Variants in FXYD6 observed in about 807,000 individuals in gnomAD.
FXYD6 encodes the protein FXYD domain-containing ion transport regulator 6.
In FXYD6, 7 loss-of-function variants were observed where a neutral mutation model predicts 16.7. The ratio of observed to expected loss-of-function variants is 0.42; its 90% CI spans 0.24 to 0.79. The LOEUF (loss-of-function observed/expected upper bound fraction) is 0.79. Among genes scored for constraint, FXYD6 ranks in the 30% least tolerant of loss-of-function variants. The pLI, the probability that FXYD6 is intolerant of heterozygous loss-of-function variation, is 0.28. For missense variants in FXYD6, 111 were observed against 116.2 expected (o/e 0.95, Z 0.21); for synonymous variants, 49 against 43.0 (o/e 1.14, Z -0.54).
At chr11:117,852,728 CCA>C (rs1363894845) in intron 1 of FXYD6, among the ~76,000 whole-genome samples, 1 of 152,194 alleles carries the variant, frequency 6.6e-6, no homozygotes, top group East Asian at 1.9e-4. Context: ...TCCATTCTCC[CCA>C]CTTTCTCTTT....
At position 117,870,250 on chromosome 11, in the gene FXYD6, C is replaced by A. The variant is rs996123288; in HGVS notation, c.-6+6342G>T. Among the ~76,000 whole-genome samples, 7 of 152,262 alleles carry A rather than the reference C, an allele frequency of 4.6e-5. No homozygotes were observed. Among genetic ancestry groups the A allele is most frequent in the Non-Finnish European group, 1.0e-4 (7 of 68,048 alleles). On this transcript the variant is annotated intron_variant, in intron 1 of 7. Coordinates refer to ENST00000526014, the MANE Select transcript of FXYD6 (RefSeq NM_022003.4). This position sits in a 1 kb window ranked among gnomAD's most constrained non-coding sequence, Gnocchi z 4.2. ...AGGGGCTGAGGCCCCTCTGGTTCCC[C>A]AGGAGATCTCGGTCTGGCTCCAGAG...
rs1041915214 is a variant in FXYD6, at chr11:117,839,938, C to T, written c.260-108G>A. On this transcript the variant is annotated intron_variant, in intron 6 of 7. Transcript: ENST00000526014. ...TGACTCTGGGGGAGCAAAGAGGTGA[C>T]GGGCATGGGATTTCGAGTCAGAACG... 10 of 1,423,052 alleles carry T rather than the reference C, an allele frequency of 7.0e-6. No individual in the cohort carries two copies. In the African/African-American group the frequency reaches 9.8e-5, roughly 14 times the overall value. The allele number at this position is 1,423,052 out of a possible 1,614,324, so 88.2% of individuals were successfully genotyped here. A position where few individuals can be genotyped will look rare whatever the true frequency, so the allele number is the denominator to read the frequency against.
chr11:117,848,602 G>A (rs752750663), intron 1 of FXYD6, among the ~76,000 whole-genome samples: 7 of 152,110 alleles, frequency 4.6e-5, no homozygotes, highest in Non-Finnish European at 1.0e-4. Flanking sequence ...CAGAAGATTC[G>A]AATTATCTGT....
rs565826473 is a variant in FXYD6, at chr11:117,850,467, A to T, written c.-5-7686T>A. On this transcript the variant is annotated intron_variant, in intron 1 of 7. Coordinates refer to ENST00000526014, the MANE Select transcript of FXYD6 (RefSeq NM_022003.4). Reference sequence around the variant, plus strand: ...TGTGTTGTGTGTGCATCTTATAAACAGCAAAGAGATGGATTTTTGAAAAAT... The same window carrying T: ...TGTGTTGTGTGTGCATCTTATAAACTGCAAAGAGATGGATTTTTGAAAAAT... Among the ~76,000 whole-genome samples the T allele has an allele frequency of 2.0e-5, 3 of 152,366 alleles. No individual in the cohort carries two copies. In the South Asian group the frequency reaches 6.2e-4, roughly 32 times the overall value.
intron 1 of FXYD6, among the ~76,000 whole-genome samples, chr11:117,861,716 C>A (rs908844731): frequency 2.6e-5 from 4 of 152,184 alleles, no homozygotes; most frequent in Non-Finnish European, 5.9e-5. Flanking sequence ...AGGGAGAGGG[C>A]CCAGTTACTT....
rs2057158839 is a variant in FXYD6 at position 117,872,405 on chromosome 11, G to T, written c.-6+4187C>A. ...TAGGGGAGAGGAAGGAACAGGACAA[G>T]CCCATTGATCTACCTGAGCAGGAGG... On this transcript the variant is annotated intron_variant, in intron 1 of 7. Coordinates refer to ENST00000526014, the MANE Select transcript of FXYD6 (RefSeq NM_022003.4). The surrounding 1 kb of genome is among the most constrained non-coding windows in gnomAD (Gnocchi z 4.9). 6.6e-6 allele frequency among the ~76,000 whole-genome samples: 1 copy of T among 152,142 alleles called. No individual in the cohort carries two copies. The highest frequency in any genetic ancestry group is 1.5e-5 in the Non-Finnish European group (1 of 68,026).
intron 6 of FXYD6, 55 bp downstream of exon 6, chr11:117,840,264 G>C (rs746769942): frequency 6.2e-7 from 1 of 1,611,838 alleles, no homozygotes; most frequent in Non-Finnish European, 8.5e-7. Context: ...CTGAGCCACA[G>C]AGGGGTCTCT....
chr11:117,848,300 A>G (rs545188678), intron 1 of FXYD6, among the ~76,000 whole-genome samples: 1 of 151,762 alleles, frequency 6.6e-6, no homozygotes, highest in East Asian at 1.9e-4. Context: ...CGAGTGTTCT[A>G]TTTCTATGGT....
intron 1 of FXYD6, among the ~76,000 whole-genome samples, chr11:117,848,786 C>T (rs563171134): frequency 6.2e-4 from 94 of 152,254 alleles, no homozygotes; most frequent in African/African-American, 2.1e-3. Context: ...TTTCCCTTTT[C>T]TGCTTTCAAA....
At chr11:117,858,639 CTTTCT>C (rs2056798845) in intron 1 of FXYD6, among the ~76,000 whole-genome samples, 1 of 20,840 alleles carries the variant, frequency 4.8e-5, no homozygotes, top group African/African-American at 1.9e-4. Flanking sequence ...TTTTTTCTTT[CTTTCT>C]TTCTTTCTTT....
chr11:117,855,177 A>G (rs1341614055), intron 1 of FXYD6, among the ~76,000 whole-genome samples: 1 of 152,214 alleles, frequency 6.6e-6, no homozygotes, highest in Non-Finnish European at 1.5e-5. Flanking sequence ...CTAAAGAGTT[A>G]AGACCTGCCT....
At position 117,841,819 on chromosome 11, in the gene FXYD6, G is replaced by T; in HGVS notation, c.144C>A (p.Leu48=). 1 of 1,613,948 alleles carries T rather than the reference G, an allele frequency of 6.2e-7. No homozygotes were observed. The highest frequency in any genetic ancestry group is 2.2e-5 in the East Asian group (1 of 44,868). The change falls in exon 4 of 8, where the codon CTC becomes CTA. Residue 48 remains leucine, a synonymous_variant. Transcript: ENST00000526014. ...GGATAAGGAGGATCCCAACCGAGAA[G>T]AGGACCACAGCGAACACCAGTCCCC... ...RIGGLVFAVV[L]FSVGILLILS... is the part of the protein sequence containing the mutation.
At chr11:117,868,136 A>G (rs1451371140) in intron 1 of FXYD6, among the ~76,000 whole-genome samples, 3 of 152,134 alleles carry the variant, frequency 2.0e-5, no homozygotes, top group Admixed American at 6.5e-5. Context: ...AGATTCTCCT[A>G]TCGGAAAAGT....
At chr11:117,843,217 G>T (rs1019295782) in intron 1 of FXYD6, among the ~76,000 whole-genome samples, 1 of 152,214 alleles carries the variant, frequency 6.6e-6, no homozygotes, top group African/African-American at 2.4e-5. Flanking sequence ...TTATAGGCGT[G>T]AGCCACCACC....
At position 117,837,754 on chromosome 11, in the gene FXYD6, T is replaced by C. The variant is rs777870192; in HGVS notation, c.*545A>G. On this transcript the variant is annotated 3_prime_UTR_variant, in exon 8 of 8. Transcript: ENST00000526014. This position sits in a 1 kb window ranked among gnomAD's most constrained non-coding sequence, Gnocchi z 4.4. Reference sequence around the variant, plus strand: ...TTGTTAAAGGAGTGAAAGGAGTCCATGAAGAATGATGACAAAGTGCTGCAA... The same window carrying C: ...TTGTTAAAGGAGTGAAAGGAGTCCACGAAGAATGATGACAAAGTGCTGCAA... 58 of 173,100 alleles carry C rather than the reference T, an allele frequency of 3.4e-4. No individual in the cohort carries two copies. The highest frequency in any genetic ancestry group is 3.0e-4 in the Non-Finnish European group (24 of 79,440). The allele number at this position is 173,100 out of a possible 1,614,324, so 10.7% of individuals were successfully genotyped here. A position where few individuals can be genotyped will look rare whatever the true frequency, so the allele number is the denominator to read the frequency against.
At chr11:117,857,391 T>C (rs1466943206) in intron 1 of FXYD6, among the ~76,000 whole-genome samples, 1 of 149,106 alleles carries the variant, frequency 6.7e-6, no homozygotes, top group Non-Finnish European at 1.5e-5. Flanking sequence ...ACTGGTCAGA[T>C]GTATTGGGAA....
intron 1 of FXYD6, among the ~76,000 whole-genome samples, chr11:117,854,132 G>C (rs192803238): frequency 1.3e-5 from 2 of 152,226 alleles, no homozygotes; most frequent in African/African-American, 4.8e-5. Context: ...CCTGCTCCTT[G>C]CTTAGCCAGT....
At chr11:117,868,529 A>C (rs1015718651) in intron 1 of FXYD6, among the ~76,000 whole-genome samples, 3 of 152,162 alleles carry the variant, frequency 2.0e-5, no homozygotes, top group African/African-American at 7.2e-5. Context: ...GCCTGAGAAA[A>C]GGTCACCACC....
chr11:117,841,325 C>T (rs1042909904), intron 4 of FXYD6, 141 bp from the exon 5 acceptor site: 4 of 1,074,724 alleles, frequency 3.7e-6, no homozygotes, highest in Non-Finnish European at 5.4e-6. Flanking sequence ...CACACAGTGG[C>T]CCTCGGATGG....
Sources: allele counts gnomAD v4.1 joint callset (sites outside exome capture counted in the v4.1 genomes callset), GRCh38; gene constraint gnomAD v4.1.1; non-coding constraint Gnocchi (gnomAD v3.1); transcripts MANE v1.5; gene names NCBI Gene and HGNC (gene_info 2026-07-23, HGNC 2026-07-21).